The following SORBS2 variants were observed in gnomAD, a reference collection of about 807,000 sequenced individuals.
SORBS2 encodes the protein sorbin and SH3 domain containing 2.
Under a neutral mutation model 97.7 loss-of-function variants are expected in SORBS2, and 46 were observed. The observed-to-expected ratio is 0.47, with a 90% CI of 0.37 to 0.60. The LOEUF is 0.60. SORBS2 is among the 20% of genes least tolerant of loss of function. The pLI, the probability that SORBS2 is intolerant of heterozygous loss-of-function variation, is 0.00. For synonymous variants in SORBS2, 476 were observed against 473.4 expected, an observed-to-expected ratio of 1.01 and a Z score of -0.07; for missense variants, 1,316 against 1,282.3, an observed-to-expected ratio of 1.03 and a Z score of -0.40.
chr4:185,861,428 G>C (rs939167354), intron 1 of SORBS2, among the ~76,000 whole-genome samples: 1 of 152,044 alleles, frequency 6.6e-6, no homozygotes, highest in East Asian at 1.9e-4. Context: ...GTGCTTGAGA[G>C]ACCAAAAGGA....
intron 1 of SORBS2, among the ~76,000 whole-genome samples, chr4:185,843,831 C>T (rs2099212992): frequency 6.6e-6 from 1 of 152,168 alleles, no homozygotes; most frequent in South Asian, 2.1e-4. Flanking sequence ...CAATTTCCAT[C>T]AAAATCCCAG....
chr4:185,879,173 C>CT (rs1317797320), intron 1 of SORBS2, among the ~76,000 whole-genome samples: 4 of 109,078 alleles, frequency 3.7e-5, no homozygotes, highest in Admixed American at 8.3e-5. Flanking sequence ...CCTCCCCCCC[C>CT]CCCACCCCAC....
intron 1 of SORBS2, among the ~76,000 whole-genome samples, chr4:185,869,602 C>G (rs188169872): frequency 6.6e-6 from 1 of 152,372 alleles, no homozygotes; most frequent in East Asian, 1.9e-4. Context: ...CTCACTCATT[C>G]ACCAAGCTGG....
chr4:185,657,558 C>T (rs1370846682), upstream of SORBS2: 5 of 1,585,320 alleles, frequency 3.2e-6, no homozygotes, highest in Non-Finnish European at 3.4e-6. Flanking sequence ...GTGGTGCCAT[C>T]CAGAGACTGC....
intron 4 of SORBS2, 29 bp from the exon 16 acceptor site, chr4:185,635,440 A>T (rs746486124): frequency 6.4e-7 from 1 of 1,571,090 alleles, no homozygotes; most frequent in Admixed American, 1.7e-5. Flanking sequence ...CAGAAGCAGA[A>T]GTGTAGGGAT....
chr4:185,673,192 G>T lies in SORBS2; in HGVS notation c.-46+5231C>A, dbSNP rs145512005. 9.2e-5 allele frequency among the ~76,000 whole-genome samples: 14 copies of T among 152,264 alleles called. No individual in the cohort carries two copies. The South Asian group carries it at 2.7e-3, about 29-fold the overall frequency. On this transcript the variant is annotated intron_variant, in intron 4 of 20. Coordinates refer to the SORBS2 transcript ENST00000284776. ...GGAAGGGGGATATGAGTTGCTATTC[G>T]GTGGGCATAAAGTTTTAGTTATGCA...
intron 1 of SORBS2, among the ~76,000 whole-genome samples, chr4:185,919,705 A>G (rs1213861275): frequency 1.3e-5 from 2 of 152,236 alleles, no homozygotes; most frequent in African/African-American, 2.4e-5. Flanking sequence ...AGGATATGTC[A>G]CCAAATTGAC....
chr4:185,585,683 C>G (rs1251687942), exon 15 of SORBS2: 1 of 152,192 alleles, frequency 6.6e-6, no homozygotes, highest in Non-Finnish European at 1.5e-5. Flanking sequence ...TTAAATATGA[C>G]AGGCAACAGA....
At chr4:185,712,243 T>G (rs995847861) in intron 2 of SORBS2, among the ~76,000 whole-genome samples, 4 of 152,108 alleles carry the variant, frequency 2.6e-5, no homozygotes, top group Admixed American at 2.0e-4. Flanking sequence ...GGACTACAGA[T>G]GAATGTCAGA....
chr4:185,926,286 T>C (rs2099263640), intron 1 of SORBS2, among the ~76,000 whole-genome samples: 1 of 152,188 alleles, frequency 6.6e-6, no homozygotes, highest in Non-Finnish European at 1.5e-5. Flanking sequence ...CAAGAAGGCA[T>C]GGTCTCTCGA....
intron 12 of SORBS2, among the ~76,000 whole-genome samples, chr4:185,597,999 G>T (rs1380689837): frequency 1.3e-5 from 2 of 152,096 alleles, no homozygotes; most frequent in Admixed American, 6.5e-5. Context: ...AGCATTTTTG[G>T]TCCGTGTCCA....
chr4:185,592,196 C>T (rs1033540970), intron 13 of SORBS2: 1 of 152,584 alleles, frequency 6.6e-6, no homozygotes, highest in African/African-American at 2.4e-5. Context: ...ACATATTTCA[C>T]TAAAACTCTG....
intron 1 of SORBS2, among the ~76,000 whole-genome samples, chr4:185,899,427 G>C (rs543178945): frequency 6.6e-6 from 1 of 152,078 alleles, no homozygotes; most frequent in Admixed American, 6.6e-5. Context: ...GTGAAGTAGC[G>C]AGTTTATTTT....
chr4:185,593,516 G>A lies in SORBS2; in HGVS notation c.2846+370C>T, dbSNP rs374792538. On this transcript the variant is annotated intron_variant, in intron 13 of 14. Coordinates refer to ENST00000418609, the Ensembl canonical transcript of SORBS2. ...TTTTACACTGAGGTCCACTTTTACC[G>A]TCTCCCAGTGGGTGTAAAAGTAAGG... 2.3e-3 allele frequency: 426 copies of A among 188,830 alleles called. 4 individuals carry two copies. The highest frequency in any genetic ancestry group is 8.5e-3 in the African/African-American group (362 of 42,524). 11.7% of individuals were successfully genotyped at this position (188,830 alleles called of 1,614,324 possible). A position where few individuals can be genotyped will look rare whatever the true frequency, so the allele number is the denominator to read the frequency against.
intron 4 of SORBS2, among the ~76,000 whole-genome samples, chr4:185,634,983 T>C (rs943670573): frequency 1.3e-5 from 2 of 152,232 alleles, no homozygotes; most frequent in African/African-American, 2.4e-5. Context: ...CCAAGCATTA[T>C]AATAGAATGG....
At chr4:185,635,804 T>G (rs1191784623) in intron 4 of SORBS2, among the ~76,000 whole-genome samples, 1 of 152,152 alleles carries the variant, frequency 6.6e-6, no homozygotes, top group Non-Finnish European at 1.5e-5. Flanking sequence ...TGCTGATAAC[T>G]TAGGCTCAGT....
chr4:185,722,525 G>T (rs1056952640), intron 2 of SORBS2, among the ~76,000 whole-genome samples: 2 of 152,146 alleles, frequency 1.3e-5, no homozygotes, highest in African/African-American at 4.8e-5. Context: ...ATCACTTCAG[G>T]CTTTGCAGAA....
chr4:185,901,359 C>T (rs923228862), intron 1 of SORBS2, among the ~76,000 whole-genome samples: 19 of 152,058 alleles, frequency 1.2e-4, no homozygotes, highest in Admixed American at 9.8e-4. Flanking sequence ...TGTGCCACCA[C>T]GGTCGGCTAA....
chr4:185,860,635 G>T (rs576895319), intron 1 of SORBS2, among the ~76,000 whole-genome samples: 3 of 152,082 alleles, frequency 2.0e-5, no homozygotes, highest in Non-Finnish European at 2.9e-5. Context: ...AAGGTGGCTG[G>T]GCTACAGCTT....
Sources: allele counts gnomAD v4.1 joint callset (sites outside exome capture counted in the v4.1 genomes callset), GRCh38; gene constraint gnomAD v4.1.1; transcripts MANE v1.5; gene names NCBI Gene and HGNC (gene_info 2026-07-23, HGNC 2026-07-21).